NOA1: variants seen among roughly 807,000 people sequenced by gnomAD.
The protein encoded by NOA1 is nitric oxide-associated protein 1.
In NOA1, 35 loss-of-function variants were observed where a neutral mutation model predicts 58.4. The ratio of observed to expected loss-of-function variants is 0.60; its 90% confidence interval spans 0.46 to 0.79. The LOEUF (loss-of-function observed/expected upper bound fraction) is 0.79, where lower values mean the gene tolerates loss of function less well. Among genes scored for constraint, NOA1 ranks in the 30% least tolerant of loss-of-function variants. NOA1 has a pLI of 0.00. For missense variants in NOA1, 895 were observed against 894.6 expected, an observed-to-expected ratio of 1.00 and a Z score of -0.01; for synonymous variants, 397 against 373.4, an observed-to-expected ratio of 1.06 and a Z score of -0.73.
chr4:56,963,720 C>A, intron 6 of NOA1, 59 bp from the exon 7 acceptor site: 1 of 1,261,926 alleles, frequency 7.9e-7, no homozygotes, highest in Non-Finnish European at 1.1e-6. Flanking sequence ...TTAAAAATAC[C>A]AAACCAAAGC....
chr4:56,968,334 T>G, intron 4 of NOA1, 50 bp downstream of exon 4: 1 of 1,567,532 alleles, frequency 6.4e-7, no homozygotes, highest in Non-Finnish European at 8.7e-7. Flanking sequence ...TTCCTTAAAG[T>G]GAATCCCAAT....
chr4:56,977,546 A>G lies in NOA1; in HGVS notation c.40T>C (p.Phe14Leu). 6.2e-7 allele frequency: 1 copy of G among 1,610,870 alleles called. No homozygotes were observed. The highest frequency in any genetic ancestry group is 8.5e-7 in the Non-Finnish European group (1 of 1,178,800). ...ARLPFRLLSL[F>L]LRGSAPTAAR... ...GCCGTGGGAGCGGATCCACGAAGGA[A>G]AAGGCTCAGCAGCCTGAACGGTAGG... The change falls in exon 1 of 7, where the codon TTC becomes CTC. Residue 14 changes from phenylalanine to leucine, a missense_variant. Around this residue, in one of 3 missense-constraint regions of NOA1, gnomAD observed 680 missense variants for 656.5 expected, o/e 1.04. Transcript: ENST00000264230.
At chr4:56,976,337 A>G in intron 1 of NOA1, 105 bp downstream of exon 1, 1 of 957,384 alleles carries the variant, frequency 1.0e-6, no homozygotes, top group Non-Finnish European at 1.6e-6. Flanking sequence ...GGAAGGGTAC[A>G]GGCAGCCCGC....
intron 1 of NOA1, among the ~76,000 whole-genome samples, chr4:56,974,250 T>A (rs535785098): frequency 6.6e-6 from 1 of 152,188 alleles, no homozygotes; most frequent in Non-Finnish European, 1.5e-5. Context: ...CCATTCAGTA[T>A]AAAAGTAATT....
chr4:56,973,030 CTT>C, intron 3 of NOA1, 116 bp downstream of exon 3: 1 of 861,164 alleles, frequency 1.2e-6, no homozygotes, highest in South Asian at 1.5e-5. Context: ...GCATTACACT[CTT>C]TCTCTATTGC....
intron 2 of NOA1, 38 bp downstream of exon 2, chr4:56,973,820 A>G: frequency 1.2e-6 from 2 of 1,601,316 alleles, no homozygotes; most frequent in Middle Eastern, 1.7e-4. Flanking sequence ...GAATTTTAGC[A>G]TAGTACCAAC....
At chr4:56,976,262 T>A (rs1026433218) in intron 1 of NOA1, among the ~76,000 whole-genome samples, 180 bp downstream of exon 1, 1 of 152,154 alleles carries the variant, frequency 6.6e-6, no homozygotes, top group East Asian at 1.9e-4. Flanking sequence ...ACATCCTCAA[T>A]TTTCCCTAGC....
At chr4:56,975,238 G>T (rs1278520798) in intron 1 of NOA1, among the ~76,000 whole-genome samples, 1 of 150,776 alleles carries the variant, frequency 6.6e-6, no homozygotes, top group Admixed American at 6.6e-5. Context: ...GCCCAGGCTG[G>T]TCCTGAACTC....
rs757124829 is a variant in NOA1 at position 56,973,197 on chromosome 4, T to C, written c.1466A>G (p.Lys489Arg). Residue 489 changes from lysine to arginine, a missense_variant, in exon 3 of 7, where the codon AAA (lysine) becomes AGA (arginine). Physicochemically the swap from Lys to Arg is conservative, Grantham distance 26. This residue lies in a region of NOA1 where 680 missense variants were observed against 656.5 expected (regional missense o/e 1.04). Transcript: ENST00000264230. ...KQVELTAQDVKDAHWFYDTPG... is the reference protein window; with the variant it reads ...KQVELTAQDVRDAHWFYDTPG... ...GGTGTCATAAAACCAGTGGGCATCT[T>C]TCACATCTTGTGCAGTCAATTCTAC... 1.2e-5 allele frequency: 20 copies of C among 1,614,160 alleles called. No individual in the cohort carries two copies. The East Asian group carries it at 4.5e-4, about 36-fold the overall frequency.
In NOA1 at chr4:56,976,948, C is replaced by T. The variant is rs200929636; in HGVS notation, c.638G>A (p.Gly213Asp). Residue 213 changes from glycine to aspartate, a missense_variant, in exon 1 of 7, where the codon GGC becomes GAC. By Grantham distance (94) the Gly-to-Asp change is moderately conservative. This residue lies in a region of NOA1 where 680 missense variants were observed against 656.5 expected (regional missense o/e 1.04). Coordinates refer to ENST00000264230, the MANE Select transcript of NOA1 (RefSeq NM_032313.4). ...CACCATGTAGAGCACCAGGGAGGGGCCGGGCCGCCGCAACGCGGCGCTCAC... is the reference window on the plus strand; with the variant it reads ...CACCATGTAGAGCACCAGGGAGGGGTCGGGCCGCCGCAACGCGGCGCTCAC... ...ELVSAALRRP[G>D]PSLVLYMVDL... is the part of the protein sequence containing the mutation. 6.2e-7 allele frequency: 1 copy of T among 1,603,614 alleles called. No individual in the cohort carries two copies. The highest frequency in any genetic ancestry group is 8.5e-7 in the Non-Finnish European group (1 of 1,177,510).
intron 6 of NOA1, among the ~76,000 whole-genome samples, 193 bp from the exon 7 acceptor site, chr4:56,963,854 C>G (rs914647502): frequency 6.6e-6 from 1 of 151,924 alleles, no homozygotes; most frequent in Admixed American, 6.6e-5. Context: ...CTCAAGCGAT[C>G]GTACTGCCTC....
chr4:56,975,199 C>T (rs35982175), intron 1 of NOA1, among the ~76,000 whole-genome samples: 66,555 of 150,416 alleles, frequency 0.44, 15,433 homozygotes, highest in African/African-American at 0.57. Context: ...ATTTTTGTAT[C>T]TTTAGTAGAG....
intron 3 of NOA1, among the ~76,000 whole-genome samples, chr4:56,970,176 G>A (rs959117662): frequency 6.6e-6 from 1 of 151,882 alleles, no homozygotes; most frequent in Admixed American, 6.6e-5. Context: ...TGTGTCTGTA[G>A]TTCCCAGCTA....
chr4:56,969,972 C>T (rs947550982), intron 3 of NOA1, among the ~76,000 whole-genome samples: 20 of 151,964 alleles, frequency 1.3e-4, no homozygotes, highest in Admixed American at 5.3e-4. Context: ...TTAGTAGAGA[C>T]GGGGTTTTGT....
In NOA1 at chr4:56,973,179, T is replaced by G. The variant is rs758047720; in HGVS notation, c.1484A>C (p.Tyr495Ser). ...TTCTTTTGTAATTCCAGGGGTGTCA[T>G]AAAACCAGTGGGCATCTTTCACATC... The part of the protein sequence containing the change: ...AQDVKDAHWF[Y>S]DTPGITKENC... Residue 495 changes from tyrosine to serine, a missense_variant, in exon 3 of 7, where the codon TAT (tyrosine) becomes TCT (serine). By Grantham distance (144) the Tyr-to-Ser change is moderately radical (BLOSUM62 -2). Coordinates refer to ENST00000264230, the MANE Select transcript of NOA1 (RefSeq NM_032313.4). 5 of 1,614,128 alleles carry G rather than the reference T, an allele frequency of 3.1e-6. No individual in the cohort carries two copies. In the East Asian group the frequency reaches 1.1e-4, roughly 36 times the overall value.
At chr4:56,967,359 AAC>A (rs1025419307) in intron 4 of NOA1, among the ~76,000 whole-genome samples, 3 of 151,818 alleles carry the variant, frequency 2.0e-5, no homozygotes, top group African/African-American at 7.3e-5. Flanking sequence ...CAGTCTGGGC[AAC>A]AGAGAGAGAT....
chr4:56,971,970 G>A (rs1204114486), intron 3 of NOA1, among the ~76,000 whole-genome samples: 9 of 151,246 alleles, frequency 6.0e-5, no homozygotes, highest in Non-Finnish European at 1.3e-4. Flanking sequence ...CTCACTGCAA[G>A]CTCCGCCTCC....
At chr4:56,969,553 T>C (rs910665649) in intron 3 of NOA1, among the ~76,000 whole-genome samples, 7 of 151,924 alleles carry the variant, frequency 4.6e-5, no homozygotes, top group South Asian at 4.1e-4. Context: ...GCCTGGGCCA[T>C]AGAGCAAGAC....
At position 56,973,173 on chromosome 4, in the gene NOA1, G is replaced by A; in HGVS notation, c.1490C>T (p.Thr497Ile). The change falls in exon 3 of 7, where the codon ACC becomes ATC. Residue 497 changes from threonine (T) to isoleucine (I), a missense_variant. Physicochemically the swap from Thr to Ile is moderately conservative, Grantham distance 89 (BLOSUM62 -1). Transcript: ENST00000264230. ...ACAATTTTCTTTTGTAATTCCAGGG[G>A]TGTCATAAAACCAGTGGGCATCTTT... is the stretch of plus-strand genomic sequence containing the variant. ...DVKDAHWFYDTPGITKENCIL... is the reference protein window; with the variant it reads ...DVKDAHWFYDIPGITKENCIL... 6.2e-7 allele frequency: 1 copy of A among 1,614,018 alleles called. No homozygotes were observed.
Sources: allele counts gnomAD v4.1 joint callset (sites outside exome capture counted in the v4.1 genomes callset), GRCh38; gene constraint gnomAD v4.1.1; regional missense constraint gnomAD v4.1.1; transcripts MANE v1.5; gene names NCBI Gene and HGNC (gene_info 2026-07-23, HGNC 2026-07-21).